Variants in CLVS2 observed in about 807,000 individuals in gnomAD.
CLVS2 encodes the protein clavesin 2, also known as clavesin-2.
CLVS2 carries 19 observed loss-of-function variants against 29.0 expected under a neutral mutation model. The ratio of observed to expected loss-of-function variants is 0.66; its 90% CI spans 0.46 to 0.96. The LOEUF is 0.96. Among genes scored for constraint, CLVS2 ranks in the 40% least tolerant of loss-of-function variants. CLVS2 has a pLI of 0.00. For missense variants in CLVS2, 294 were observed against 404.1 expected (o/e 0.73, Z 2.34); for synonymous variants, 161 against 151.3 (o/e 1.06, Z -0.47).
At chr6:123,028,041 T>C (rs1409934151) in intron 3 of CLVS2, among the ~76,000 whole-genome samples, 1 of 152,218 alleles carries the variant, frequency 6.6e-6, no homozygotes, top group Non-Finnish European at 1.5e-5. Flanking sequence ...CAACTTTGTA[T>C]ACTTTAAAGG....
chr6:123,035,489 A>G (rs1425517232), intron 3 of CLVS2, among the ~76,000 whole-genome samples: 3 of 152,158 alleles, frequency 2.0e-5, no homozygotes, highest in Admixed American at 1.3e-4. Context: ...CTCATATTTT[A>G]TCTTCAAAAA....
At chr6:123,057,719 G>A (rs1017023776) in intron 5 of CLVS2, among the ~76,000 whole-genome samples, 1 of 152,062 alleles carries the variant, frequency 6.6e-6, no homozygotes, top group African/African-American at 2.4e-5. Context: ...CTCTCTCCAG[G>A]CTGCTGCACA....
At chr6:123,041,181 A>G (rs1441869803) in intron 3 of CLVS2, among the ~76,000 whole-genome samples, 1 of 152,180 alleles carries the variant, frequency 6.6e-6, no homozygotes, top group African/African-American at 2.4e-5. Flanking sequence ...AGGACTTAAT[A>G]AAAGGATAGT....
chr6:123,034,836 T>G (rs1345978962), intron 3 of CLVS2, among the ~76,000 whole-genome samples: 2 of 152,076 alleles, frequency 1.3e-5, no homozygotes, highest in African/African-American at 2.4e-5. Context: ...AAGGGGTGCA[T>G]GGGACCACAC....
intron 2 of CLVS2, among the ~76,000 whole-genome samples, chr6:123,003,767 C>T (rs1774624488): frequency 1.3e-5 from 2 of 152,162 alleles, no homozygotes; most frequent in Non-Finnish European, 2.9e-5. Flanking sequence ...GTGCTAGAAG[C>T]TGGGGACAGG....
intron 1 of CLVS2, 93 bp from the exon 2 acceptor site, chr6:122,997,126 T>C (rs1214019374): frequency 6.2e-6 from 1 of 161,030 alleles, no homozygotes; most frequent in Non-Finnish European, 1.5e-5. Context: ...CACAAATTTG[T>C]CTTTTAAAAA....
In CLVS2 at chr6:123,064,475, C is replaced by T. The variant is rs955241326; in HGVS notation, c.*714C>T. 7 of 151,976 alleles carry T rather than the reference C, an allele frequency of 4.6e-5. No individual in the cohort carries two copies. In the East Asian group the frequency reaches 1.4e-3, roughly 29 times the overall value. 9.4% of individuals were successfully genotyped at this position (151,976 alleles called of 1,614,324 possible). On this transcript the variant is annotated 3_prime_UTR_variant, in exon 6 of 6. Coordinates refer to ENST00000275162, the MANE Select transcript of CLVS2 (RefSeq NM_001010852.4). The stretch of plus-strand genomic sequence containing the variant: ...GAGTGGATTCTTTTTAAATTGCTGT[C>T]TTCACAATGTGCCCTTTATTCAAGA...
intron 2 of CLVS2, among the ~76,000 whole-genome samples, chr6:123,005,198 G>A (rs1355582460): frequency 1.3e-5 from 2 of 152,186 alleles, no homozygotes; most frequent in East Asian, 3.9e-4. Context: ...TTAAGATAAT[G>A]CATTTGAAAT....
intron 2 of CLVS2, among the ~76,000 whole-genome samples, chr6:123,005,918 G>C (rs1274348333): frequency 6.6e-6 from 1 of 152,152 alleles, no homozygotes; most frequent in African/African-American, 2.4e-5. Flanking sequence ...AAAGCAGCAT[G>C]GTCTATGCCC....
chr6:123,051,631 T>C (rs898468717), intron 4 of CLVS2, among the ~76,000 whole-genome samples: 1 of 152,208 alleles, frequency 6.6e-6, no homozygotes, highest in Non-Finnish European at 1.5e-5. Flanking sequence ...TTAGTCAATA[T>C]GGCCAATGTT....
At chr6:123,031,989 AC>A (rs1775089760) in intron 3 of CLVS2, among the ~76,000 whole-genome samples, 1 of 152,078 alleles carries the variant, frequency 6.6e-6, no homozygotes, top group Non-Finnish European at 1.5e-5. Flanking sequence ...TTTTCTTAAC[AC>A]TTTTTTGGGC....
chr6:123,017,766 ATT>A (rs1257736780), intron 3 of CLVS2, among the ~76,000 whole-genome samples: 2 of 152,120 alleles, frequency 1.3e-5, no homozygotes, highest in African/African-American at 4.8e-5. Flanking sequence ...GACTAGATTA[ATT>A]CTGTACATAT....
chr6:123,016,585 T>A (rs1774837883), intron 3 of CLVS2, among the ~76,000 whole-genome samples: 1 of 151,978 alleles, frequency 6.6e-6, no homozygotes, highest in African/African-American at 2.4e-5. Context: ...CATCTGCCAA[T>A]AAGTACATAA....
intron 3 of CLVS2, among the ~76,000 whole-genome samples, chr6:123,019,975 T>C (rs1338786755): frequency 6.6e-6 from 1 of 152,024 alleles, no homozygotes; most frequent in Non-Finnish European, 1.5e-5. Context: ...CTGCCTTTTT[T>C]TTTTCTATTC....
chr6:123,065,367 G>C lies in CLVS2; in HGVS notation c.*1606G>C, dbSNP rs1466702306. Reference sequence around the variant, plus strand: ...CATGTGTCAGCCTTCATATTTTTTGGCCAAAAGCTCCCAAAATTTGTTATA... The same window carrying C: ...CATGTGTCAGCCTTCATATTTTTTGCCCAAAAGCTCCCAAAATTTGTTATA... On this transcript the variant is annotated 3_prime_UTR_variant, in exon 6 of 6. Coordinates refer to ENST00000275162, the MANE Select transcript of CLVS2 (RefSeq NM_001010852.4). 1 of 151,552 alleles carries C rather than the reference G, an allele frequency of 6.6e-6. No homozygotes were observed. The highest frequency in any genetic ancestry group is 1.5e-5 in the Non-Finnish European group (1 of 67,760). The allele number at this position is 151,552 out of a possible 1,614,324, so 9.4% of individuals were successfully genotyped here.
intron 2 of CLVS2, among the ~76,000 whole-genome samples, chr6:123,010,573 C>T (rs192710166): frequency 1.7e-3 from 263 of 152,076 alleles, no homozygotes; most frequent in African/African-American, 6.2e-3. Flanking sequence ...ACAGTGTTTT[C>T]ATTTATTGAT....
chr6:123,028,306 A>G (rs1451286605), intron 3 of CLVS2, among the ~76,000 whole-genome samples: 1 of 152,224 alleles, frequency 6.6e-6, no homozygotes, highest in East Asian at 1.9e-4. Context: ...TAGTGCAAAC[A>G]TGTCTAGAAT....
intron 3 of CLVS2, among the ~76,000 whole-genome samples, chr6:123,043,363 A>G (rs952960836): frequency 1.3e-5 from 2 of 152,092 alleles, no homozygotes; most frequent in Non-Finnish European, 2.9e-5. Context: ...GTCAAGTAGG[A>G]TTAATGCAAT....
intron 3 of CLVS2, among the ~76,000 whole-genome samples, chr6:123,021,447 T>C (rs1562166564): frequency 6.6e-6 from 1 of 152,040 alleles, no homozygotes; most frequent in Non-Finnish European, 1.5e-5. Context: ...AATTATTATT[T>C]TTTCCTCTGA....
Sources: gnomAD v4.1 joint callset for allele counts (sites outside exome capture counted in the v4.1 genomes callset) on GRCh38, gnomAD v4.1.1 for gene constraint, MANE v1.5 for transcripts, NCBI Gene and HGNC (gene_info 2026-07-23, HGNC 2026-07-21) for gene names.